Variants in USP46 observed in about 807,000 individuals in gnomAD.
The protein encoded by USP46 is ubiquitin carboxyl-terminal hydrolase 46.
Under a neutral mutation model 44.4 loss-of-function variants are expected in USP46, and 12 were observed. The ratio of observed to expected loss-of-function variants is 0.27; its 90% CI spans 0.17 to 0.44. The LOEUF is 0.44. Among genes scored for constraint, USP46 ranks in the 20% least tolerant of loss-of-function variants. The pLI is 1.00. For synonymous variants in USP46, 155 were observed against 161.5 expected, an observed-to-expected ratio of 0.96 and a Z score of 0.31; for missense variants, 248 against 444.8, an observed-to-expected ratio of 0.56 and a Z score of 3.98.
At chr4:52,639,443 C>T (rs1718244853) in intron 1 of USP46, among the ~76,000 whole-genome samples, 1 of 152,116 alleles carries the variant, frequency 6.6e-6, no homozygotes, top group African/African-American at 2.4e-5. Flanking sequence ...GAGCCAGTTT[C>T]CATCTTTGGA....
At chr4:52,620,571 T>G (rs1717339793) in intron 4 of USP46, among the ~76,000 whole-genome samples, 1 of 152,150 alleles carries the variant, frequency 6.6e-6, no homozygotes, top group South Asian at 2.1e-4. Context: ...ACATATTTAC[T>G]GAATAAAAGA....
intron 8 of USP46, 136 bp from the exon 9 acceptor site, chr4:52,597,877 G>A: frequency 3.0e-6 from 2 of 661,310 alleles, no homozygotes; most frequent in Non-Finnish European, 5.0e-6. Context: ...ACTTTCAATA[G>A]CAAATGGAGA....
Position 52,631,715 on chromosome 4 carries a change from T to C in USP46, c.37-571A>G, listed in dbSNP as rs553046335. Among the ~76,000 whole-genome samples, 8 of 152,190 alleles carry C rather than the reference T, an allele frequency of 5.3e-5. No homozygotes were observed. In the South Asian group the frequency reaches 1.5e-3, roughly 28 times the overall value. ...TGTTGGAGAGTTTATTTAAAAATAA[T>C]AGTGCAGGGGCTGGGTGCAGTGTCT... On this transcript the variant is annotated intron_variant, in intron 1 of 8. Coordinates refer to ENST00000441222, the MANE Select transcript of USP46 (RefSeq NM_022832.4).
intron 4 of USP46, among the ~76,000 whole-genome samples, chr4:52,618,923 T>C (rs1717272296): frequency 6.6e-6 from 1 of 152,200 alleles, no homozygotes; most frequent in South Asian, 2.1e-4. Context: ...AACAACCTTT[T>C]GGCTCCAGTA....
chr4:52,628,173 G>A lies in USP46; in HGVS notation c.118-10C>T. The A allele has an allele frequency of 1.9e-6, 3 of 1,611,568 alleles. No individual in the cohort carries two copies. The highest frequency in any genetic ancestry group is 2.5e-6 in the Non-Finnish European group (3 of 1,178,114). On this transcript the variant is annotated splice_polypyrimidine_tract_variant and intron_variant, in intron 2 of 8. Transcript: ENST00000441222. ...AGCATGTGTTTCCAAACTGCCAAGG[G>A]ACAAGAGGGATGGCTCAAGTCATTG...
In USP46 at chr4:52,596,540, T is replaced by C. The variant is rs1418265449; in HGVS notation, c.*1100A>G. 1 of 152,182 alleles carries C rather than the reference T, an allele frequency of 6.6e-6. No individual in the cohort carries two copies. Among genetic ancestry groups the C allele is most frequent in the African/African-American group, 2.4e-5 (1 of 41,434 alleles). 9.4% of individuals were successfully genotyped at this position (152,182 alleles called of 1,614,324 possible). A position where few individuals can be genotyped will look rare whatever the true frequency, so the allele number is the denominator to read the frequency against. ...CATTCCTCCCCCTGCCCACGGACAC[T>C]TCCTTTGAGCCACCTCTATACCCAG... On this transcript the variant is annotated 3_prime_UTR_variant, in exon 9 of 9. Coordinates refer to ENST00000441222, the MANE Select transcript of USP46 (RefSeq NM_022832.4).
chr4:52,597,753 G>C lies in USP46; in HGVS notation c.1000-12C>G. On this transcript the variant is annotated splice_polypyrimidine_tract_variant and intron_variant, in intron 8 of 8. Transcript: ENST00000441222. ...TGAGCATCTATTTTCTGCAATAAAG[G>C]AGAAAGAAAACAACACAATTACTTA... 3.2e-6 allele frequency: 5 copies of C among 1,558,838 alleles called. No individual in the cohort carries two copies. The highest frequency in any genetic ancestry group is 4.4e-6 in the Non-Finnish European group (5 of 1,149,328).
Position 52,594,163 on chromosome 4 carries a change from T to C in USP46, c.*3477A>G, listed in dbSNP as rs1187011810. ...GTAGCATTACCCGGATATAATTCTC[T>C]AGAAAGAGAATTCCCATTTTATTCA... On this transcript the variant is annotated 3_prime_UTR_variant, in exon 9 of 9. Transcript: ENST00000441222. 2 of 152,222 alleles carry C rather than the reference T, an allele frequency of 1.3e-5. No individual in the cohort carries two copies. Among genetic ancestry groups the C allele is most frequent in the Non-Finnish European group, 2.9e-5 (2 of 68,022 alleles). 9.4% of individuals were successfully genotyped at this position (152,222 alleles called of 1,614,324 possible).
At chr4:52,643,938 C>A (rs1577694222) in intron 1 of USP46, among the ~76,000 whole-genome samples, 2 of 152,178 alleles carry the variant, frequency 1.3e-5, no homozygotes, top group South Asian at 4.1e-4. Context: ...TTCAGTAATT[C>A]TTTAGCTACA....
At chr4:52,639,530 T>A (rs1718248147) in intron 1 of USP46, among the ~76,000 whole-genome samples, 1 of 152,116 alleles carries the variant, frequency 6.6e-6, no homozygotes. Flanking sequence ...GGGAAAGGAC[T>A]GATCCTCCTC....
chr4:52,599,852 C>A (rs754192303), intron 7 of USP46, among the ~76,000 whole-genome samples: 37 of 152,180 alleles, frequency 2.4e-4, no homozygotes, highest in African/African-American at 4.3e-4. Flanking sequence ...TGAGCTCCAG[C>A]CCATCTGGCT....
chr4:52,655,154 T>A (rs1718905797), intron 1 of USP46: 1 of 152,214 alleles, frequency 6.6e-6, no homozygotes, highest in African/African-American at 2.4e-5. Context: ...TGTTAATCGG[T>A]CTTTCCACTG....
chr4:52,632,998 GAAAGAAAGAAAGAAA>G (rs1717967305), intron 1 of USP46, among the ~76,000 whole-genome samples: 1 of 112,588 alleles, frequency 8.9e-6, no homozygotes, highest in South Asian at 3.0e-4. Flanking sequence ...AGAAAAGAAA[GAAAGAAAGAAAGAAA>G]GAAAGAAAGA....
chr4:52,632,998 G>GAAAGAAAGAAAAGA lies in USP46; in HGVS notation c.37-1855_37-1854insTCTTTTCTTTCTTT, dbSNP rs1717966985. ...AAAGAAAGAAAGAAAAGAAAAGAAA[G>GAAAGAAAGAAAAGA]AAAGAAAGAAAGAAAGAAAGAAAGA... On this transcript the variant is annotated intron_variant, in intron 1 of 8. Transcript: ENST00000441222. 6.2e-5 allele frequency among the ~76,000 whole-genome samples: 7 copies of GAAAGAAAGAAAAGA among 112,610 alleles called. No individual in the cohort carries two copies. In the South Asian group the frequency reaches 9.1e-4, roughly 15 times the overall value. 73.9% of individuals were successfully genotyped at this position (112,610 alleles called of 152,430 possible).
intron 4 of USP46, among the ~76,000 whole-genome samples, chr4:52,613,424 A>G (rs1408772419): frequency 6.6e-6 from 1 of 152,188 alleles, no homozygotes; most frequent in Non-Finnish European, 1.5e-5. Flanking sequence ...TATGCATTAA[A>G]GAAAACTAAC....
intron 1 of USP46, among the ~76,000 whole-genome samples, chr4:52,657,074 C>T (rs543991281): frequency 6.6e-6 from 1 of 151,418 alleles, no homozygotes; most frequent in South Asian, 2.1e-4. Context: ...GAACCAGGAC[C>T]TGAACCCAGG....
chr4:52,607,154 T>G (rs960259182), intron 5 of USP46, among the ~76,000 whole-genome samples: 2 of 152,218 alleles, frequency 1.3e-5, no homozygotes, highest in African/African-American at 4.8e-5. Flanking sequence ...TTATTTGATT[T>G]GTAGACCCAG....
At chr4:52,631,170 C>A (rs1428097311) in intron 1 of USP46, 26 bp from the exon 2 acceptor site, 4 of 1,531,630 alleles carry the variant, frequency 2.6e-6, no homozygotes, top group East Asian at 2.4e-5. Flanking sequence ...AGCAAAAGTT[C>A]TGTTGCATGT....
At chr4:52,647,925 T>C (rs964197115) in intron 1 of USP46, among the ~76,000 whole-genome samples, 2 of 152,206 alleles carry the variant, frequency 1.3e-5, no homozygotes, top group Non-Finnish European at 2.9e-5. Context: ...CTACAGTGTT[T>C]GGTGGACTCT....
Sources: gnomAD v4.1 joint callset for allele counts (sites outside exome capture counted in the v4.1 genomes callset) on GRCh38, gnomAD v4.1.1 for gene constraint, MANE v1.5 for transcripts, NCBI Gene and HGNC (gene_info 2026-07-23, HGNC 2026-07-21) for gene names.